The following JMY variants were observed in gnomAD, a reference collection of about 807,000 sequenced individuals.
JMY encodes junction-mediating and -regulatory protein.
Under a neutral mutation model 103.3 loss-of-function variants are expected in JMY, and 46 were observed. The ratio of observed to expected loss-of-function variants is 0.45; its 90% CI spans 0.35 to 0.57. JMY has a LOEUF of 0.57. Among genes scored for constraint, JMY ranks in the 20% least tolerant of loss-of-function variants. The pLI is 0.00. For synonymous variants in JMY, 526 were observed against 489.3 expected, an observed-to-expected ratio of 1.07 and a Z score of -0.99; for missense variants, 1,238 against 1,255.2, an observed-to-expected ratio of 0.99 and a Z score of 0.21.
At chr5:79,317,503 G>A (rs1747274503) in intron 10 of JMY, among the ~76,000 whole-genome samples, 1 of 151,966 alleles carries the variant, frequency 6.6e-6, no homozygotes, top group South Asian at 2.1e-4. Flanking sequence ...TTATAATGAT[G>A]GTAACTGAAA....
chr5:79,248,380 C>T (rs2112049201), intron 1 of JMY, among the ~76,000 whole-genome samples: 1 of 152,196 alleles, frequency 6.6e-6, no homozygotes. Flanking sequence ...GATCTCGGCT[C>T]ACTGCAGCCT....
At chr5:79,238,648 C>CTTTTTTT (rs1055172051) in intron 1 of JMY, among the ~76,000 whole-genome samples, 2,407 of 120,188 alleles carry the variant, frequency 0.02, 32 homozygotes, top group East Asian at 0.04. Context: ...TCCGCGCCTT[C>CTTTTTTT]TTTTTTTTTT....
At chr5:79,258,314 GTTT>G (rs35099268) in intron 1 of JMY, among the ~76,000 whole-genome samples, 15 of 76,302 alleles carry the variant, frequency 2.0e-4, no homozygotes, top group South Asian at 5.7e-4. Context: ...TGTTTTTGTT[GTTT>G]TTTTTTTTTT....
intron 1 of JMY, among the ~76,000 whole-genome samples, chr5:79,270,537 ATATTTAAAATGTATATT>A: frequency 2.6e-5 from 1 of 38,416 alleles, no homozygotes; most frequent in East Asian, 6.4e-4. Context: ...ATTTACATAA[ATATTTAAAATGTATATT>A]TACATAAATA....
chr5:79,279,989 G>A (rs76092669), intron 2 of JMY, among the ~76,000 whole-genome samples: 1 of 152,124 alleles, frequency 6.6e-6, no homozygotes, highest in Non-Finnish European at 1.5e-5. Flanking sequence ...GACTATGGGC[G>A]CATGCCACCA....
chr5:79,312,332 C>A, intron 7 of JMY, 71 bp from the exon 8 acceptor site: 1 of 943,878 alleles, frequency 1.1e-6, no homozygotes. Flanking sequence ...AGGATAACTT[C>A]TCATCTTTTT....
chr5:79,251,052 G>C (rs1480783685), intron 1 of JMY, among the ~76,000 whole-genome samples: 1 of 151,990 alleles, frequency 6.6e-6, no homozygotes, highest in Non-Finnish European at 1.5e-5. Flanking sequence ...GAGTATGTAG[G>C]TATTTGTATA....
chr5:79,294,807 G>A (rs921827558), intron 4 of JMY, among the ~76,000 whole-genome samples: 27 of 150,916 alleles, frequency 1.8e-4, no homozygotes, highest in Non-Finnish European at 3.1e-4. Context: ...GCAGTGAGTC[G>A]AGATGATGCC....
chr5:79,313,626 C>G (rs1747116995), intron 8 of JMY, among the ~76,000 whole-genome samples: 1 of 152,176 alleles, frequency 6.6e-6, no homozygotes, highest in Non-Finnish European at 1.5e-5. Context: ...AAACTTTTTG[C>G]ATACCAGTAG....
intron 1 of JMY, among the ~76,000 whole-genome samples, chr5:79,259,086 A>G (rs1745340415): frequency 6.6e-6 from 1 of 152,114 alleles, no homozygotes; most frequent in South Asian, 2.1e-4. Context: ...TTCAGCTTTC[A>G]GCAGAGAGGG....
At chr5:79,311,277 C>T (rs1354681084) in intron 7 of JMY, among the ~76,000 whole-genome samples, 2 of 151,968 alleles carry the variant, frequency 1.3e-5, no homozygotes, top group Non-Finnish European at 2.9e-5. Context: ...TGAGCCACCA[C>T]ACTTGGCTTT....
chr5:79,276,174 A>G (rs914438189), intron 1 of JMY, among the ~76,000 whole-genome samples: 5 of 152,156 alleles, frequency 3.3e-5, no homozygotes, highest in African/African-American at 9.7e-5. Flanking sequence ...GCTGGAGTGC[A>G]ATGGTACAGT....
chr5:79,278,959 C>T (rs779716905), intron 2 of JMY, among the ~76,000 whole-genome samples: 5 of 151,992 alleles, frequency 3.3e-5, no homozygotes, highest in Non-Finnish European at 5.9e-5. Flanking sequence ...TTTAGAAGAA[C>T]TTGTTAGGAA....
chr5:79,281,143 C>G (rs1457431213), intron 2 of JMY, among the ~76,000 whole-genome samples: 6 of 151,608 alleles, frequency 4.0e-5, no homozygotes, highest in African/African-American at 1.5e-4. Flanking sequence ...CTCCCGGGTT[C>G]GTGCCATTCT....
intron 10 of JMY, among the ~76,000 whole-genome samples, chr5:79,318,804 G>GAGAGAGAGA (rs1580377765): frequency 6.4e-4 from 10 of 15,610 alleles, no homozygotes; most frequent in African/African-American, 3.5e-3. Context: ...AGAGAGAGAG[G>GAGAGAGAGA]GATGCATATC....
At chr5:79,240,876 T>A (rs538826300) in intron 1 of JMY, among the ~76,000 whole-genome samples, 2 of 152,384 alleles carry the variant, frequency 1.3e-5, no homozygotes, top group African/African-American at 4.8e-5. Flanking sequence ...TTATAGAAGT[T>A]GTGCCATGTT....
At chr5:79,305,978 G>A (rs1197343646) in intron 6 of JMY, among the ~76,000 whole-genome samples, 1 of 152,184 alleles carries the variant, frequency 6.6e-6, no homozygotes, top group African/African-American at 2.4e-5. Context: ...GGGATTACTT[G>A]AGGCCAGGAG....
intron 1 of JMY, among the ~76,000 whole-genome samples, chr5:79,241,285 A>C (rs187626987): frequency 1.3e-5 from 2 of 152,310 alleles, no homozygotes; most frequent in East Asian, 3.9e-4. Flanking sequence ...AGGACCACAC[A>C]TCTTGTGAGC....
At chr5:79,244,833 GTT>G (rs34362472) in intron 1 of JMY, among the ~76,000 whole-genome samples, 1 of 138,064 alleles carries the variant, frequency 7.2e-6, no homozygotes. Flanking sequence ...GTAACTATTT[GTT>G]TTTTTTTTTT....
Sources: gnomAD v4.1 joint callset for allele counts (sites outside exome capture counted in the v4.1 genomes callset) on GRCh38, gnomAD v4.1.1 for gene constraint, MANE v1.5 for transcripts, NCBI Gene and HGNC (gene_info 2026-07-23, HGNC 2026-07-21) for gene names.